Variants in NELL1 observed in about 807,000 individuals in gnomAD.
NELL1 encodes neural EGFL like 1.
NELL1 carries 76 observed loss-of-function variants against 107.4 expected under a neutral mutation model. The ratio of observed to expected loss-of-function variants is 0.71; its 90% CI spans 0.59 to 0.86. The LOEUF (loss-of-function observed/expected upper bound fraction) is 0.86, where lower values mean the gene tolerates loss of function less well. NELL1 is among the 40% of genes least tolerant of loss of function. NELL1 has a pLI of 0.00. For missense variants in NELL1, 1,024 were observed against 1,005.5 expected, an observed-to-expected ratio of 1.02 and a Z score of -0.25; for synonymous variants, 353 against 341.2, an observed-to-expected ratio of 1.03 and a Z score of -0.38.
At position 21,370,987 on chromosome 11, in the gene NELL1, T is replaced by A. The variant is rs756737482; in HGVS notation, c.1645+39T>A. ...TTTTATGGGGGATAGGGACAAAGATTGGTAGAAAGATTGATTCAGAAAGAA... is the reference window on the plus strand; with the variant it reads ...TTTTATGGGGGATAGGGACAAAGATAGGTAGAAAGATTGATTCAGAAAGAA... On this transcript the variant is annotated intron_variant, in intron 15 of 19. Transcript: ENST00000357134. 5.6e-6 allele frequency: 8 copies of A among 1,421,936 alleles called. No homozygotes were observed. In the Middle Eastern group the frequency reaches 1.1e-3, roughly 188 times the overall value. The allele number at this position is 1,421,936 out of a possible 1,614,324, so 88.1% of individuals were successfully genotyped here.
intron 13 of NELL1, among the ~76,000 whole-genome samples, chr11:21,129,893 G>T (rs189851418): frequency 6.6e-6 from 1 of 152,056 alleles, no homozygotes; most frequent in African/African-American, 2.4e-5. Context: ...ACTGAAAAAT[G>T]GTTAAGAGAG....
intron 13 of NELL1, among the ~76,000 whole-genome samples, chr11:21,203,272 C>T (rs1270602613): frequency 2.6e-5 from 4 of 152,052 alleles, no homozygotes; most frequent in Non-Finnish European, 4.4e-5. Flanking sequence ...CTTTGTAGGT[C>T]TCAGAGAACT....
intron 17 of NELL1, among the ~76,000 whole-genome samples, chr11:21,566,420 A>T (rs1464247311): frequency 6.6e-6 from 1 of 151,776 alleles, no homozygotes; most frequent in Admixed American, 6.6e-5. Flanking sequence ...ATAGCAAAAA[A>T]CCTATAATAT....
chr11:20,962,749 G>T (rs746792065), intron 12 of NELL1, among the ~76,000 whole-genome samples: 1 of 152,218 alleles, frequency 6.6e-6, no homozygotes, highest in African/African-American at 2.4e-5. Context: ...TTAGCTCAGT[G>T]TATGAGCCTG....
intron 5 of NELL1, among the ~76,000 whole-genome samples, chr11:20,914,015 A>C (rs1390860915): frequency 6.6e-6 from 1 of 151,900 alleles, no homozygotes; most frequent in Non-Finnish European, 1.5e-5. Flanking sequence ...TGATAACAAG[A>C]CCTCTTTGTA....
chr11:20,874,060 C>T (rs1306243107), intron 4 of NELL1, among the ~76,000 whole-genome samples: 5 of 152,024 alleles, frequency 3.3e-5, no homozygotes, highest in East Asian at 3.9e-4. Flanking sequence ...CCATTGAACC[C>T]GGTCTGAGTT....
chr11:21,220,711 T>C (rs1857735027), intron 13 of NELL1, among the ~76,000 whole-genome samples: 1 of 152,190 alleles, frequency 6.6e-6, no homozygotes, highest in Non-Finnish European at 1.5e-5. Flanking sequence ...TTTTATGTGT[T>C]AATTTTGTAT....
chr11:21,391,045 A>G (rs1851864695), intron 15 of NELL1, among the ~76,000 whole-genome samples: 1 of 151,774 alleles, frequency 6.6e-6, no homozygotes, highest in Admixed American at 6.6e-5. Flanking sequence ...TTCTTGAGGA[A>G]GGGTGCATAG....
intron 15 of NELL1, among the ~76,000 whole-genome samples, chr11:21,385,719 G>A (rs183976703): frequency 6.6e-6 from 1 of 151,936 alleles, no homozygotes; most frequent in African/African-American, 2.4e-5. Flanking sequence ...AAACTTAAAT[G>A]GTTTCCAGTG....
rs532086371 is a variant in NELL1 at position 20,916,006 on chromosome 11, A to C, written c.604-2176A>C. ...TTATAAGTGGTATCTGTAGGGTATC[A>C]CCACTTTTCTTTTAATCCAGCATTG... On this transcript the variant is annotated intron_variant, in intron 5 of 19. Transcript: ENST00000357134. Among the ~76,000 whole-genome samples, 19 of 151,716 alleles carry C rather than the reference A, an allele frequency of 1.3e-4. No individual in the cohort carries two copies. In the East Asian group the frequency reaches 2.1e-3, roughly 17 times the overall value.
At position 20,751,953 on chromosome 11, in the gene NELL1, GT is replaced by G. The variant is rs1237579208; in HGVS notation, c.185-31720del. Among the ~76,000 whole-genome samples, 3 of 152,110 alleles carry G rather than the reference GT, an allele frequency of 2.0e-5. 1 individual carries two copies. Among genetic ancestry groups the G allele is most frequent in the Middle Eastern group, 6.8e-3 (2 of 294 alleles). Reference sequence around the variant, plus strand: ...TCTGCTGAATCCACTGATTTTGGTAGTTTTTTTCTTTTTTAATGTGGCAGAT... The same window carrying G: ...TCTGCTGAATCCACTGATTTTGGTAGTTTTTTCTTTTTTAATGTGGCAGAT... On this transcript the variant is annotated intron_variant, in intron 2 of 19. Transcript: ENST00000357134.
intron 2 of NELL1, among the ~76,000 whole-genome samples, chr11:20,752,564 A>C (rs538395853): frequency 1.3e-3 from 200 of 152,268 alleles, no homozygotes; most frequent in Non-Finnish European, 2.2e-3. Flanking sequence ...TAAATAAATA[A>C]ATACATAAAA....
chr11:21,030,968 C>G (rs1852941478), intron 12 of NELL1, among the ~76,000 whole-genome samples: 1 of 152,136 alleles, frequency 6.6e-6, no homozygotes, highest in South Asian at 2.1e-4. Flanking sequence ...TGGGCTCAGG[C>G]AATTCTCTGG....
At chr11:21,126,097 C>T (rs1855481070) in intron 13 of NELL1, among the ~76,000 whole-genome samples, 1 of 152,130 alleles carries the variant, frequency 6.6e-6, no homozygotes, top group African/African-American at 2.4e-5. Flanking sequence ...AGGAACTTGT[C>T]TACAGCTGTA....
rs190978945 is a variant in NELL1 at position 20,918,914 on chromosome 11, C to G, written c.677-338C>G. ...TTTTTAAAAACTATTCCTTAAGATT[C>G]TTGACCTGGATGAGAGTTTACTTTT... On this transcript the variant is annotated intron_variant, in intron 6 of 19. Transcript: ENST00000357134. 7.2e-5 allele frequency among the ~76,000 whole-genome samples: 11 copies of G among 152,092 alleles called. 1 individual carries two copies. The East Asian group carries it at 1.7e-3, about 24-fold the overall frequency.
chr11:21,371,472 T>TAAGA (rs1326669357), intron 15 of NELL1, among the ~76,000 whole-genome samples: 1 of 152,078 alleles, frequency 6.6e-6, no homozygotes, highest in Non-Finnish European at 1.5e-5. Flanking sequence ...TTAGCGTAAG[T>TAAGA]AAGATTACAT....
chr11:21,556,109 G>A (rs1591033183), intron 16 of NELL1, among the ~76,000 whole-genome samples: 1 of 151,904 alleles, frequency 6.6e-6, no homozygotes, highest in African/African-American at 2.4e-5. Flanking sequence ...TGTAAAAAAA[G>A]CAATACTGCT....
chr11:20,703,009 G>A lies in NELL1; in HGVS notation c.184+24949G>A, dbSNP rs143299050. ...TCTCTGCCAGGCTTTGGATGATGCT[G>A]GCCTTATAAAGTGAGTTAGGGAGGA... On this transcript the variant is annotated intron_variant, in intron 2 of 19. Transcript: ENST00000357134. Among the ~76,000 whole-genome samples the A allele has an allele frequency of 9.2e-3, 1,405 of 152,056 alleles. 23 individuals are homozygous for A. Among genetic ancestry groups the A allele is most frequent in the Admixed American group, 0.035 (541 of 15,252 alleles).
intron 14 of NELL1, among the ~76,000 whole-genome samples, chr11:21,339,439 T>G (rs1208856295): frequency 6.6e-6 from 1 of 152,182 alleles, no homozygotes; most frequent in African/African-American, 2.4e-5. Context: ...TATAGAACTG[T>G]GAGACAATGA....
Sources: gnomAD v4.1 joint callset for allele counts (sites outside exome capture counted in the v4.1 genomes callset) on GRCh38, gnomAD v4.1.1 for gene constraint, MANE v1.5 for transcripts, NCBI Gene and HGNC (gene_info 2026-07-23, HGNC 2026-07-21) for gene names.